The following ZC3H12B variants were observed in gnomAD, a reference collection of about 807,000 sequenced individuals.
ZC3H12B encodes the protein probable ribonuclease ZC3H12B.
ZC3H12B carries 7 observed loss-of-function variants against 43.9 expected under a neutral mutation model. The ratio of observed to expected loss-of-function variants is 0.16; its 90% confidence interval spans 0.09 to 0.30. The LOEUF (loss-of-function observed/expected upper bound fraction) is 0.30. Ranked by LOEUF, ZC3H12B falls within the 10% of genes least tolerant of loss-of-function variation. The pLI, the probability that ZC3H12B is intolerant of heterozygous loss-of-function variation, is 1.00. For synonymous variants in ZC3H12B, 222 were observed against 241.7 expected (o/e 0.92, Z 0.76); for missense variants, 475 against 670.2 (o/e 0.71, Z 3.22).
chrX:65,430,302 A>G (rs930621295), intron 3 of ZC3H12B, among the ~76,000 whole-genome samples: 1 of 110,056 alleles, frequency 9.1e-6, no homozygotes, highest in Non-Finnish European at 1.9e-5. Flanking sequence ...TCCATGGGAG[A>G]AGCATGGTTT....
At chrX:65,150,210 C>T in the ZC3H12B span, among the ~76,000 whole-genome samples, 1 of 110,483 alleles carries the variant, frequency 9.1e-6, no homozygotes, top group East Asian at 2.8e-4. Flanking sequence ...GGCTACTGAA[C>T]ATAAAGGTGG....
intron 3 of ZC3H12B, among the ~76,000 whole-genome samples, chrX:65,453,701 C>T (rs2067558459): frequency 1.8e-5 from 2 of 108,487 alleles, no homozygotes; most frequent in African/African-American, 6.7e-5. Flanking sequence ...GAGCCTCGAG[C>T]CTAGGTGACA....
chrX:65,143,533 G>A, the ZC3H12B span, among the ~76,000 whole-genome samples: 25,511 of 107,400 alleles, frequency 0.24, 7,641 homozygotes, highest in African/African-American at 0.83. Context: ...CATCTCTGGT[G>A]TGAAACCCAC....
At chrX:65,401,811 C>T (rs187957118) in intron 3 of ZC3H12B, among the ~76,000 whole-genome samples, 55 of 111,732 alleles carry the variant, frequency 4.9e-4, no homozygotes, top group Admixed American at 2.9e-3. Flanking sequence ...AGTTTCCTGA[C>T]GACATCTCAA....
the ZC3H12B span, among the ~76,000 whole-genome samples, chrX:65,149,049 G>GT: frequency 2.7e-5 from 3 of 111,455 alleles, no homozygotes; most frequent in African/African-American, 6.5e-5. Flanking sequence ...GTTTCTCTGT[G>GT]TTTTTTTGGT....
chrX:65,146,330 T>G, the ZC3H12B span, among the ~76,000 whole-genome samples: 5 of 111,961 alleles, frequency 4.5e-5, no homozygotes, highest in Non-Finnish European at 9.4e-5. Context: ...TTTCCTGATA[T>G]TTTGTTTTTT....
chrX:65,488,396 G>C (rs1440900865), upstream of ZC3H12B, among the ~76,000 whole-genome samples: 1 of 99,247 alleles, frequency 1.0e-5, no homozygotes, highest in Non-Finnish European at 2.0e-5. Flanking sequence ...GTCGCAGGGT[G>C]GGGTAGGGGG....
the ZC3H12B span, among the ~76,000 whole-genome samples, chrX:65,338,409 T>G: frequency 1.8e-5 from 2 of 111,900 alleles, no homozygotes; most frequent in African/African-American, 6.5e-5. Context: ...AACAGATAGA[T>G]TCACAGTTGA....
At chrX:65,434,681 G>A (rs1027922433) in intron 3 of ZC3H12B, among the ~76,000 whole-genome samples, 1 of 112,003 alleles carries the variant, frequency 8.9e-6, no homozygotes, top group Non-Finnish European at 1.9e-5. Context: ...AACTACTCAT[G>A]TGTCACACTT....
At chrX:65,326,322 G>T in the ZC3H12B span, among the ~76,000 whole-genome samples, 1 of 111,410 alleles carries the variant, frequency 9.0e-6, no homozygotes, top group African/African-American at 3.3e-5. Flanking sequence ...TCCGTAGAAA[G>T]AAAACAAACA....
chrX:65,166,554 A>G, the ZC3H12B span, among the ~76,000 whole-genome samples: 1 of 111,957 alleles, frequency 8.9e-6, no homozygotes, highest in Non-Finnish European at 1.9e-5. Context: ...CTTTCAGTAT[A>G]TAAGCAGTAA....
At chrX:65,065,029 G>T in the ZC3H12B span, among the ~76,000 whole-genome samples, 1 of 109,503 alleles carries the variant, frequency 9.1e-6, no homozygotes, top group Non-Finnish European at 1.9e-5. Context: ...TTCAGCCTAT[G>T]TGTGTCTTTG....
intron 3 of ZC3H12B, among the ~76,000 whole-genome samples, chrX:65,458,088 A>T (rs866538189): frequency 2.3e-5 from 2 of 88,820 alleles, no homozygotes; most frequent in Admixed American, 1.1e-4. Context: ...AAAAAATTAA[A>T]AAAAAAAAAA....
the ZC3H12B span, among the ~76,000 whole-genome samples, chrX:65,324,348 A>T: frequency 9.0e-6 from 1 of 111,508 alleles, no homozygotes; most frequent in Non-Finnish European, 1.9e-5. Context: ...TAAGTCTTTA[A>T]TCCATCTTGA....
the ZC3H12B span, among the ~76,000 whole-genome samples, chrX:65,144,145 G>A: frequency 9.0e-6 from 1 of 110,833 alleles, no homozygotes; most frequent in African/African-American, 3.3e-5. Context: ...TTTTTTTGTT[G>A]GTAATGTTTT....
At chrX:65,423,194 G>A (rs1003761351) in intron 3 of ZC3H12B, among the ~76,000 whole-genome samples, 1 of 111,128 alleles carries the variant, frequency 9.0e-6, no homozygotes, top group East Asian at 2.8e-4. Flanking sequence ...GCCTCCCAAA[G>A]TGCTGGGATT....
the ZC3H12B span, among the ~76,000 whole-genome samples, chrX:65,317,015 G>A: frequency 1.8e-5 from 2 of 110,932 alleles, no homozygotes; most frequent in Non-Finnish European, 3.8e-5. Context: ...AGACAAAGCC[G>A]ACTTTAAACC....
intron 3 of ZC3H12B, among the ~76,000 whole-genome samples, chrX:65,477,097 G>T (rs771300998): frequency 1.1e-4 from 12 of 107,063 alleles, no homozygotes; most frequent in African/African-American, 2.4e-4. Context: ...GACTCCCAAA[G>T]TGCTGGGATT....
chrX:65,480,553 A>G (rs974089720), intron 3 of ZC3H12B, among the ~76,000 whole-genome samples: 1 of 112,255 alleles, frequency 8.9e-6, no homozygotes, highest in African/African-American at 3.2e-5. Context: ...AGGCTATAAG[A>G]GTACAAGAAT....
Sources: allele counts gnomAD v4.1 joint callset (sites outside exome capture counted in the v4.1 genomes callset), GRCh38; gene constraint gnomAD v4.1.1; transcripts MANE v1.5; gene names NCBI Gene and HGNC (gene_info 2026-07-23, HGNC 2026-07-21).